B9D2: variants seen among roughly 807,000 people sequenced by gnomAD.
B9D2 encodes the protein B9 domain-containing protein 2.
Under a neutral mutation model 19.2 loss-of-function variants are expected in B9D2, and 21 were observed. The ratio of observed to expected loss-of-function variants is 1.09; its 90% CI spans 0.78 to 1.58. The LOEUF (loss-of-function observed/expected upper bound fraction) is 1.58, where lower values mean the gene tolerates loss of function less well. Among genes scored for constraint, B9D2 ranks in the 40% most tolerant of loss-of-function variants. The pLI is 0.00. For synonymous variants in B9D2, 91 were observed against 100.6 expected (o/e 0.90, Z 0.57); for missense variants, 221 against 244.3 (o/e 0.90, Z 0.64).
intron 2 of B9D2, chr19:41,362,964 C>A: frequency 4.6e-6 from 1 of 217,618 alleles, no homozygotes; most frequent in Non-Finnish European, 9.5e-6. Flanking sequence ...AATTACTTTC[C>A]TGGGACGTGG....
rs375582943 is a variant in B9D2 at position 41,357,933 on chromosome 19, G to A, written c.178C>T (p.Pro60Ser). Reference protein sequence around the residue: ...QIGDMAYWSHPIDLHFATKGL... With the variant: ...QIGDMAYWSHSIDLHFATKGL... ...TTGGTGGCGAAGTGCAGGTCGATGG[G>A]GTGGGACCAGTAAGCCATGTCCCCT... Residue 60 changes from proline (P) to serine (S), a missense_variant, in exon 3 of 4, where the codon CCC becomes TCC. Coordinates refer to ENST00000243578, the MANE Select transcript of B9D2 (RefSeq NM_030578.4). 1.9e-6 allele frequency: 3 copies of A among 1,614,136 alleles called. No individual in the cohort carries two copies. Among genetic ancestry groups the A allele is most frequent in the Non-Finnish European group, 1.7e-6 (2 of 1,180,014 alleles).
In B9D2 at chr19:41,358,557, G is replaced by A. The variant is rs185905069; in HGVS notation, c.89-535C>T. ...AATGGGTAATGAGCATAGTGAGCAC[G>A]GGATAAGTCTTCAATATCATTTTAT... On this transcript the variant is annotated intron_variant, in intron 2 of 3. Transcript: ENST00000243578. 7.4e-4 allele frequency among the ~76,000 whole-genome samples: 112 copies of A among 152,182 alleles called. 1 individual carries two copies. The highest frequency in any genetic ancestry group is 1.2e-3 in the Non-Finnish European group (84 of 68,016).
intron 1 of B9D2, 104 bp downstream of exon 1, chr19:41,363,854 G>A (rs1031293605): frequency 1.3e-5 from 7 of 520,784 alleles, no homozygotes; most frequent in Non-Finnish European, 2.1e-5. Context: ...CGTCACGCCA[G>A]CCACCCCGCT....
intron 2 of B9D2, among the ~76,000 whole-genome samples, chr19:41,358,762 T>G (rs913280221): frequency 6.6e-6 from 1 of 152,090 alleles, no homozygotes; most frequent in Non-Finnish European, 1.5e-5. Flanking sequence ...TCTCAGCACT[T>G]TGGGAGGCCA....
intron 2 of B9D2, among the ~76,000 whole-genome samples, chr19:41,359,166 C>T (rs1319602935): frequency 6.6e-6 from 1 of 152,062 alleles, no homozygotes; most frequent in Non-Finnish European, 1.5e-5. Context: ...CGCAGTGACT[C>T]ACGCCTGTAA....
intron 2 of B9D2, among the ~76,000 whole-genome samples, chr19:41,360,680 T>G (rs766236385): frequency 6.6e-6 from 1 of 152,050 alleles, no homozygotes; most frequent in Non-Finnish European, 1.5e-5. Flanking sequence ...TAATTTTTTT[T>G]GTATTTTTAG....
intron 3 of B9D2, among the ~76,000 whole-genome samples, chr19:41,356,019 G>A (rs982151720): frequency 6.6e-6 from 1 of 152,178 alleles, no homozygotes; most frequent in South Asian, 2.1e-4. Context: ...CCCAGACGGA[G>A]TGTGCCTGGT....
At chr19:41,363,322 A>C in intron 2 of B9D2, 110 bp downstream of exon 2, 1 of 1,112,176 alleles carries the variant, frequency 9.0e-7, no homozygotes, top group Non-Finnish European at 1.4e-6. Flanking sequence ...TGGAGTACTG[A>C]GAACTGATGG....
chr19:41,360,867 A>G (rs1353925190), intron 2 of B9D2: 1 of 152,152 alleles, frequency 6.6e-6, no homozygotes, highest in Admixed American at 6.6e-5. Context: ...GACCTTGCAC[A>G]CTGCTGGATC....
intron 3 of B9D2, among the ~76,000 whole-genome samples, chr19:41,355,595 T>G (rs1216632029): frequency 2.0e-5 from 3 of 152,208 alleles, no homozygotes; most frequent in African/African-American, 7.2e-5. Flanking sequence ...TCAAAGCCCT[T>G]GGAGATCCAG....
chr19:41,356,105 G>A (rs1007852791), intron 3 of B9D2, among the ~76,000 whole-genome samples: 1 of 152,132 alleles, frequency 6.6e-6, no homozygotes, highest in Non-Finnish European at 1.5e-5. Flanking sequence ...AGAGCCTTGT[G>A]ATGCATGCTA....
chr19:41,360,483 G>A (rs2038386649), intron 2 of B9D2, among the ~76,000 whole-genome samples: 3 of 151,556 alleles, frequency 2.0e-5, no homozygotes, highest in South Asian at 2.1e-4. Flanking sequence ...AACTGCACTC[G>A]TTTATCTGTT....
chr19:41,363,406 G>T (rs111825784), intron 2 of B9D2, 26 bp downstream of exon 2: 1 of 1,611,434 alleles, frequency 6.2e-7, no homozygotes, highest in African/African-American at 1.3e-5. Flanking sequence ...TCTTGGTGTG[G>T]AAATGAACCA....
In B9D2 at chr19:41,355,005, G is replaced by A. The variant is rs765309540; in HGVS notation, c.223C>T (p.Arg75Trp). 15 of 1,594,710 alleles carry A rather than the reference G, an allele frequency of 9.4e-6. No homozygotes were observed. The highest frequency in any genetic ancestry group is 2.7e-5 in the African/African-American group (2 of 74,402). ...FATKGLQGWP[R>W]LHFQVWSQDS... ...TGGGACCACACCTGGAAATGGAGCC[G>A]GGGCCAGCCTGCAGGAAAGGAGAGA... The change falls in exon 4 of 4, where the codon CGG (arginine) becomes TGG (tryptophan). Residue 75 changes from arginine (R) to tryptophan (W), a missense_variant. Transcript: ENST00000243578.
intron 2 of B9D2, 83 bp from the exon 3 acceptor site, chr19:41,358,105 G>T: frequency 6.3e-7 from 1 of 1,579,284 alleles, no homozygotes. Context: ...CTGTTTCTCT[G>T]TGGCATCTAC....
chr19:41,359,162 G>A (rs112489472), intron 2 of B9D2, among the ~76,000 whole-genome samples: 11,348 of 151,854 alleles, frequency 0.075, 482 homozygotes, highest in African/African-American at 0.11. Flanking sequence ...CAGGCGCAGT[G>A]ACTCACGCCT....
intron 2 of B9D2, among the ~76,000 whole-genome samples, chr19:41,359,076 T>G (rs1009396954): frequency 6.6e-6 from 1 of 151,940 alleles, no homozygotes; most frequent in Non-Finnish European, 1.5e-5. Flanking sequence ...AAAGCTGCAG[T>G]GAGCCGAGAT....
rs765309540 is a variant in B9D2, at chr19:41,355,005, G to C, written c.223C>G (p.Arg75Gly). The C allele has an allele frequency of 3.8e-6, 6 of 1,594,830 alleles. No individual in the cohort carries two copies. The East Asian group carries it at 1.1e-4, about 30-fold the overall frequency. Residue 75 changes from arginine (R) to glycine (G), a missense_variant, in exon 4 of 4, where the codon CGG (arginine) becomes GGG (glycine). Arg to Gly is a moderately radical substitution (Grantham distance 125). Coordinates refer to ENST00000243578, the MANE Select transcript of B9D2 (RefSeq NM_030578.4). ...FATKGLQGWP[R>G]LHFQVWSQDS... ...TGGGACCACACCTGGAAATGGAGCC[G>C]GGGCCAGCCTGCAGGAAAGGAGAGA...
chr19:41,359,597 G>A (rs1206611839), intron 2 of B9D2, among the ~76,000 whole-genome samples: 2 of 152,034 alleles, frequency 1.3e-5, no homozygotes, highest in African/African-American at 4.8e-5. Flanking sequence ...CAGCTACTCA[G>A]GAGGCTGAGG....
Sources: gnomAD v4.1 joint callset for allele counts (sites outside exome capture counted in the v4.1 genomes callset) on GRCh38, gnomAD v4.1.1 for gene constraint, MANE v1.5 for transcripts, NCBI Gene and HGNC (gene_info 2026-07-23, HGNC 2026-07-21) for gene names.